SMARCA2: variants seen among roughly 807,000 people sequenced by gnomAD.
SMARCA2 encodes SWI/SNF-related matrix-associated actin-dependent regulator of chromatin subfamily A member 2.
In SMARCA2, 61 loss-of-function variants were observed where a neutral mutation model predicts 199.8. That is an observed-to-expected ratio of 0.31 (90% CI 0.25 to 0.38). SMARCA2 has a LOEUF of 0.38. Ranked by LOEUF, SMARCA2 falls within the 10% of genes least tolerant of loss-of-function variation. The probability of loss-of-function intolerance (pLI) is 1.00; values close to 1 mark genes in which losing one functional copy is unlikely to be tolerated. For synonymous variants in SMARCA2, 935 were observed against 732.0 expected, an observed-to-expected ratio of 1.28 and a Z score of -4.48; for missense variants, 1,344 against 2,012.2, an observed-to-expected ratio of 0.67 and a Z score of 6.35.
intron 1 of SMARCA2, among the ~76,000 whole-genome samples, chr9:2,018,240 T>C (rs1030834197): frequency 4.6e-5 from 7 of 152,264 alleles, no homozygotes; most frequent in African/African-American, 1.7e-4. Context: ...CCATTCCTTA[T>C]TCAATGTCTG....
chr9:2,033,828 C>T (rs928127865), intron 3 of SMARCA2, among the ~76,000 whole-genome samples: 3 of 152,184 alleles, frequency 2.0e-5, no homozygotes, highest in African/African-American at 7.2e-5. Context: ...CCTTAGTATC[C>T]ACATGAAATT....
At chr9:2,186,666 C>A (rs893224516) in intron 32 of SMARCA2, among the ~76,000 whole-genome samples, 16 of 152,146 alleles carry the variant, frequency 1.1e-4, no homozygotes, top group Non-Finnish European at 2.2e-4. Context: ...GCTGGAATTA[C>A]AGGCGTGTGC....
At chr9:2,027,181 C>T (rs1339785412) in intron 1 of SMARCA2, among the ~76,000 whole-genome samples, 2 of 152,214 alleles carry the variant, frequency 1.3e-5, no homozygotes, top group African/African-American at 2.4e-5. Context: ...GTGGCTCACA[C>T]CTGTAATCCC....
At chr9:2,160,317 GATT>G (rs1825600562) in intron 27 of SMARCA2, 4 of 405,284 alleles carry the variant, frequency 9.9e-6, no homozygotes, top group Non-Finnish European at 1.8e-5. Context: ...ATTGTCTTTT[GATT>G]ATTAAGGCCT....
At chr9:2,074,855 A>G (rs1821255355) in intron 12 of SMARCA2, among the ~76,000 whole-genome samples, 2 of 152,158 alleles carry the variant, frequency 1.3e-5, no homozygotes, top group African/African-American at 4.8e-5. Flanking sequence ...ACAGAGCAAG[A>G]TCCTGTTTTG....
rs371190036 is a variant in SMARCA2 at position 2,086,494 on chromosome 9, G to T, written c.2527-335G>T. ...AATCTGGGATAGCTGTCATGATAAC[G>T]TATTAATAGAAGGGGCATTGGATGG... On this transcript the variant is annotated intron_variant, in intron 17 of 33. Coordinates refer to ENST00000349721, the MANE Select transcript of SMARCA2 (RefSeq NM_003070.5). This position sits in a 1 kb window ranked among gnomAD's most constrained non-coding sequence, Gnocchi z 4.3. Among the ~76,000 whole-genome samples the T allele has an allele frequency of 2.0e-5, 3 of 152,200 alleles. No homozygotes were observed. Among genetic ancestry groups the T allele is most frequent in the Admixed American group, 1.3e-4 (2 of 15,288 alleles).
chr9:2,126,933 G>T (rs1823722288), intron 27 of SMARCA2, among the ~76,000 whole-genome samples: 1 of 152,128 alleles, frequency 6.6e-6, no homozygotes, highest in Non-Finnish European at 1.5e-5. Flanking sequence ...TCTCCTCAGA[G>T]GCCTTGATTC....
At chr9:2,166,310 A>T (rs1268768485) in intron 28 of SMARCA2, among the ~76,000 whole-genome samples, 1 of 152,140 alleles carries the variant, frequency 6.6e-6, no homozygotes, top group East Asian at 1.9e-4. Flanking sequence ...TAGCTTCCTT[A>T]TTCTGGACAC....
intron 12 of SMARCA2, among the ~76,000 whole-genome samples, 183 bp from the exon 13 acceptor site, chr9:2,076,046 A>C (rs1821310547): frequency 1.3e-5 from 2 of 152,186 alleles, no homozygotes; most frequent in Admixed American, 1.3e-4. Context: ...CATGATTTCA[A>C]CAGCAGTTGA....
chr9:2,019,221 C>G (rs1818496277), intron 1 of SMARCA2, among the ~76,000 whole-genome samples: 1 of 151,704 alleles, frequency 6.6e-6, no homozygotes, highest in Non-Finnish European at 1.5e-5. Flanking sequence ...AAGAACATTT[C>G]AAATGAATGA....
intron 27 of SMARCA2, among the ~76,000 whole-genome samples, chr9:2,125,993 G>A (rs1392666641): frequency 6.6e-6 from 1 of 152,104 alleles, no homozygotes; most frequent in East Asian, 1.9e-4. Flanking sequence ...TTTTCATTCA[G>A]TTTCTATCCC....
At position 2,123,023 on chromosome 9, in the gene SMARCA2, G is replaced by C. The variant is rs1404870699; in HGVS notation, c.3763-696G>C. 6.6e-6 allele frequency among the ~76,000 whole-genome samples: 1 copy of C among 152,168 alleles called. No individual in the cohort carries two copies. Among genetic ancestry groups the C allele is most frequent in the Non-Finnish European group, 1.5e-5 (1 of 68,028 alleles). ...CATTTCACTTACAACTAGATCAGTT[G>C]GGATGCGATTACCTCTGAGCTCTCT... is the stretch of plus-strand genomic sequence containing the variant. On this transcript the variant is annotated intron_variant, in intron 26 of 33. Coordinates refer to ENST00000349721, the MANE Select transcript of SMARCA2 (RefSeq NM_003070.5). The surrounding 1 kb of genome is among the most constrained non-coding windows in gnomAD (Gnocchi z 4.1).
At chr9:2,184,589 G>A (rs1347673783) in intron 31 of SMARCA2, among the ~76,000 whole-genome samples, 4 of 151,722 alleles carry the variant, frequency 2.6e-5, no homozygotes, top group African/African-American at 7.3e-5. Context: ...TCCTGACCTC[G>A]TGATCTACCC....
At chr9:2,038,780 C>A (rs1819445906) in intron 3 of SMARCA2, among the ~76,000 whole-genome samples, 1 of 152,158 alleles carries the variant, frequency 6.6e-6, no homozygotes, top group South Asian at 2.1e-4. Context: ...GACTCTGCTA[C>A]TAGGGAGAAC....
At chr9:2,173,704 C>T (rs895466258) in intron 29 of SMARCA2, among the ~76,000 whole-genome samples, 1 of 152,122 alleles carries the variant, frequency 6.6e-6, no homozygotes, top group Non-Finnish European at 1.5e-5. Context: ...CCTTCCTACT[C>T]CTTCTTGGAG....
At chr9:2,095,305 G>C (rs893104900) in intron 19 of SMARCA2, among the ~76,000 whole-genome samples, 3 of 152,014 alleles carry the variant, frequency 2.0e-5, no homozygotes, top group African/African-American at 7.2e-5. Flanking sequence ...AGGCTGGTCT[G>C]GAACTCCTGA....
chr9:2,069,430 T>A (rs372380889), intron 9 of SMARCA2, among the ~76,000 whole-genome samples: 1 of 151,118 alleles, frequency 6.6e-6, no homozygotes, highest in African/African-American at 2.4e-5. Context: ...GTGGTGGCGG[T>A]CGCCTGTAGT....
chr9:2,111,454 C>T (rs1357286818), intron 24 of SMARCA2, among the ~76,000 whole-genome samples: 3 of 148,772 alleles, frequency 2.0e-5, no homozygotes, highest in South Asian at 2.1e-4. Flanking sequence ...ATCGTACCAC[C>T]GCTCTCCAGC....
Position 2,017,467 on chromosome 9 carries a change from G to GC in SMARCA2, c.-37+2064dup, listed in dbSNP as rs1379854529. The GC allele has an allele frequency of 6.6e-6, 1 of 152,554 alleles. No individual in the cohort carries two copies. Among genetic ancestry groups the GC allele is most frequent in the East Asian group, 1.9e-4 (1 of 5,160 alleles). The allele number at this position is 152,554 out of a possible 1,614,324, so 9.5% of individuals were successfully genotyped here. On this transcript the variant is annotated intron_variant, in intron 1 of 33. Transcript: ENST00000349721. The surrounding 1 kb of genome is among the most constrained non-coding windows in gnomAD (Gnocchi z 8.8). The stretch of plus-strand genomic sequence containing the variant: ...GCGGCTCGGGCAGCTGCTCCTGCCC[G>GC]CACCCTCCCCTGGAGCCCGGGGAGG...
Sources: allele counts gnomAD v4.1 joint callset (sites outside exome capture counted in the v4.1 genomes callset), GRCh38; gene constraint gnomAD v4.1.1; non-coding constraint Gnocchi (gnomAD v3.1); transcripts MANE v1.5; gene names NCBI Gene and HGNC (gene_info 2026-07-23, HGNC 2026-07-21).